The following KCNH7 variants were observed in gnomAD, a reference collection of about 807,000 sequenced individuals.
KCNH7 encodes voltage-gated inwardly rectifying potassium channel KCNH7.
KCNH7 carries 49 observed loss-of-function variants against 120.8 expected under a neutral mutation model. The ratio of observed to expected loss-of-function variants is 0.41; its 90% CI spans 0.32 to 0.51. KCNH7 has a LOEUF of 0.51. Among genes scored for constraint, KCNH7 ranks in the 20% least tolerant of loss-of-function variants. The probability of loss-of-function intolerance (pLI) is 0.38; values close to 1 mark genes in which losing one functional copy is unlikely to be tolerated. For missense variants in KCNH7, 1,097 were observed against 1,446.6 expected (o/e 0.76, Z 3.92); for synonymous variants, 547 against 516.1 (o/e 1.06, Z -0.81).
At chr2:162,603,967 A>T (rs1351343600) in intron 2 of KCNH7, among the ~76,000 whole-genome samples, 2 of 152,096 alleles carry the variant, frequency 1.3e-5, no homozygotes, top group Non-Finnish European at 2.9e-5. Context: ...ATAAAATCTC[A>T]ATCTGTAATG....
Position 162,512,665 on chromosome 2 carries a change from C to T in KCNH7, c.902G>A (p.Arg301His), listed in dbSNP as rs149962897. ...RDRHASEDNG[R>H]NVKGPFNHIK... ...AGTTTGTACATTACCTTTGACATTG[C>T]GACCATTGTCTGTTTTGAGCACATA... The change falls in exon 5 of 16, where the codon CGC (arginine) becomes CAC (histidine). Residue 301 changes from arginine to histidine, a missense_variant. This residue lies in a region of KCNH7 where 362 missense variants were observed against 372.2 expected (regional missense o/e 0.97). Transcript: ENST00000332142. The T allele has an allele frequency of 8.7e-6, 14 of 1,607,296 alleles. No individual in the cohort carries two copies. The East Asian group carries it at 1.1e-4, about 13-fold the overall frequency.
chr2:162,832,374 T>C (rs1685508833), intron 2 of KCNH7, among the ~76,000 whole-genome samples: 2 of 152,156 alleles, frequency 1.3e-5, no homozygotes, highest in African/African-American at 4.8e-5. Context: ...CTGTTTGTAC[T>C]AATAAAATTT....
chr2:162,651,716 C>T lies in KCNH7; in HGVS notation c.308-114636G>A, dbSNP rs147794495. On this transcript the variant is annotated intron_variant, in intron 2 of 15. Coordinates refer to ENST00000332142, the MANE Select transcript of KCNH7 (RefSeq NM_033272.4). Reference sequence around the variant, plus strand: ...TGATTTATATTCCTCTGGCTATATGCTCAGTAATGGGATTGCTGGGTCAAG... The same window carrying T: ...TGATTTATATTCCTCTGGCTATATGTTCAGTAATGGGATTGCTGGGTCAAG... 1.1e-3 allele frequency among the ~76,000 whole-genome samples: 169 copies of T among 152,228 alleles called. 2 individuals carry two copies. The highest frequency in any genetic ancestry group is 3.9e-3 in the African/African-American group (162 of 41,546).
At chr2:162,619,433 G>A (rs1683262745) in intron 2 of KCNH7, among the ~76,000 whole-genome samples, 2 of 149,802 alleles carry the variant, frequency 1.3e-5, no homozygotes, top group African/African-American at 4.9e-5. Context: ...ATAAGAATTG[G>A]CCCCTTGGTC....
At chr2:162,671,083 G>A (rs1685337208) in intron 2 of KCNH7, among the ~76,000 whole-genome samples, 3 of 152,096 alleles carry the variant, frequency 2.0e-5, no homozygotes, top group South Asian at 4.1e-4. Context: ...ACAGACATTG[G>A]TGAGGATGCA....
At chr2:162,495,355 C>T (rs1383892225) in intron 6 of KCNH7, among the ~76,000 whole-genome samples, 1 of 152,046 alleles carries the variant, frequency 6.6e-6, no homozygotes, top group Non-Finnish European at 1.5e-5. Context: ...CCCAGGAGCC[C>T]TATGTTCTGG....
chr2:162,769,342 T>G (rs751888632), intron 2 of KCNH7, among the ~76,000 whole-genome samples: 2 of 152,202 alleles, frequency 1.3e-5, no homozygotes, highest in Non-Finnish European at 2.9e-5. Context: ...TGCCCACTTA[T>G]CCCTGTATAC....
intron 2 of KCNH7, among the ~76,000 whole-genome samples, chr2:162,697,184 G>GTA (rs1686323822): frequency 6.6e-6 from 1 of 152,004 alleles, no homozygotes; most frequent in Non-Finnish European, 1.5e-5. Flanking sequence ...CCTGAGAAAA[G>GTA]AATACACCAC....
intron 2 of KCNH7, among the ~76,000 whole-genome samples, chr2:162,556,742 T>C (rs1294394147): frequency 1.3e-5 from 2 of 152,200 alleles, no homozygotes; most frequent in South Asian, 2.1e-4. Flanking sequence ...TCTTCACATA[T>C]AGATTTCATC....
intron 7 of KCNH7, among the ~76,000 whole-genome samples, chr2:162,442,576 G>C (rs1222445597): frequency 1.3e-5 from 2 of 151,930 alleles, no homozygotes; most frequent in African/African-American, 4.8e-5. Flanking sequence ...AAACATTTTA[G>C]GGCCGGGCAC....
intron 2 of KCNH7, among the ~76,000 whole-genome samples, chr2:162,589,631 C>T (rs968922655): frequency 1.3e-5 from 2 of 152,028 alleles, no homozygotes; most frequent in African/African-American, 2.4e-5. Context: ...CTCCTCCACT[C>T]CCCCAGCAGA....
rs949076747 is a variant in KCNH7 at position 162,629,034 on chromosome 2, C to T, written c.308-91954G>A. On this transcript the variant is annotated intron_variant, in intron 2 of 15. Transcript: ENST00000332142. ...AGGCCAGAATCAATCAATGCCACCC[C>T]CACCCACACCATCACCACATACACA... 2.0e-5 allele frequency among the ~76,000 whole-genome samples: 3 copies of T among 152,150 alleles called. No homozygotes were observed. In the East Asian group the frequency reaches 5.8e-4, roughly 29 times the overall value.
At chr2:162,677,757 A>G (rs1178073154) in intron 2 of KCNH7, among the ~76,000 whole-genome samples, 1 of 151,518 alleles carries the variant, frequency 6.6e-6, no homozygotes, top group Non-Finnish European at 1.5e-5. Flanking sequence ...ACCCGGGTTT[A>G]TCAATTTACA....
intron 2 of KCNH7, among the ~76,000 whole-genome samples, chr2:162,763,684 G>C (rs1689040904): frequency 1.3e-5 from 2 of 151,148 alleles, no homozygotes; most frequent in South Asian, 2.1e-4. Flanking sequence ...TCTTAGTTGG[G>C]TGGAATACCT....
At chr2:162,597,773 A>G (rs540949006) in intron 2 of KCNH7, among the ~76,000 whole-genome samples, 1 of 152,260 alleles carries the variant, frequency 6.6e-6, no homozygotes, top group Admixed American at 6.6e-5. Flanking sequence ...TCATTCCACA[A>G]TGTATACATG....
chr2:162,545,471 G>A (rs1172233698), intron 2 of KCNH7, among the ~76,000 whole-genome samples: 2 of 152,138 alleles, frequency 1.3e-5, no homozygotes, highest in Non-Finnish European at 2.9e-5. Flanking sequence ...TAAGGAGAGG[G>A]AGGAACTGCA....
At chr2:162,430,024 C>T (rs1446846308) in intron 8 of KCNH7, among the ~76,000 whole-genome samples, 2 of 151,632 alleles carry the variant, frequency 1.3e-5, no homozygotes, top group African/African-American at 4.8e-5. Context: ...ATTTAACCTT[C>T]TTCAATGCTT....
intron 2 of KCNH7, among the ~76,000 whole-genome samples, chr2:162,607,866 T>C (rs1195447192): frequency 6.6e-6 from 1 of 152,192 alleles, no homozygotes; most frequent in East Asian, 1.9e-4. Context: ...AAATAAGTTA[T>C]ACTTTGGGCC....
intron 2 of KCNH7, among the ~76,000 whole-genome samples, chr2:162,798,377 C>T (rs1394225914): frequency 1.3e-5 from 2 of 151,978 alleles, no homozygotes; most frequent in Non-Finnish European, 2.9e-5. Context: ...ACCTACATTA[C>T]AACTGGTATT....
Sources: allele counts gnomAD v4.1 joint callset (sites outside exome capture counted in the v4.1 genomes callset), GRCh38; gene constraint gnomAD v4.1.1; regional missense constraint gnomAD v4.1.1; transcripts MANE v1.5; gene names NCBI Gene and HGNC (gene_info 2026-07-23, HGNC 2026-07-21).